The following MAML3 variants were observed in gnomAD, a reference collection of about 807,000 sequenced individuals.
The protein encoded by MAML3 is mastermind-like protein 3.
In MAML3, 27 loss-of-function variants were observed where a neutral mutation model predicts 101.9. The observed-to-expected ratio is 0.27, with a 90% CI of 0.20 to 0.37. MAML3 has a LOEUF of 0.37. Ranked by LOEUF, MAML3 falls within the 10% of genes least tolerant of loss-of-function variation. MAML3 has a pLI of 1.00. For synonymous variants in MAML3, 501 were observed against 555.9 expected (o/e 0.90, Z 1.39); for missense variants, 1,316 against 1,444.9 (o/e 0.91, Z 1.45).
intron 2 of MAML3, among the ~76,000 whole-genome samples, chr4:139,869,242 C>T (rs1731956823): frequency 6.6e-6 from 1 of 152,180 alleles, no homozygotes. Flanking sequence ...AGGCTGAGTG[C>T]TGGCAGCAGA....
intron 1 of MAML3, among the ~76,000 whole-genome samples, chr4:139,992,748 G>T (rs763340631): frequency 6.6e-6 from 1 of 151,956 alleles, no homozygotes; most frequent in African/African-American, 2.4e-5. Context: ...TAGTAGAGAC[G>T]GGGTTTCACC....
At chr4:139,795,066 C>G (rs1730487078) in intron 2 of MAML3, among the ~76,000 whole-genome samples, 1 of 152,114 alleles carries the variant, frequency 6.6e-6, no homozygotes. Flanking sequence ...GAAAGGGCAG[C>G]CACAGAGTTA....
chr4:139,833,596 A>G (rs1731207913), intron 2 of MAML3, among the ~76,000 whole-genome samples: 1 of 152,140 alleles, frequency 6.6e-6, no homozygotes, highest in Admixed American at 6.5e-5. Context: ...AAGGAATATG[A>G]TGAGAAATAC....
intron 2 of MAML3, among the ~76,000 whole-genome samples, chr4:139,783,955 C>T (rs2111082909): frequency 6.6e-6 from 1 of 152,334 alleles, no homozygotes; most frequent in Non-Finnish European, 1.5e-5. Flanking sequence ...GACTAACCAG[C>T]ATGTCAGAGA....
At chr4:139,897,436 G>C (rs1240570734) in intron 1 of MAML3, among the ~76,000 whole-genome samples, 1 of 152,132 alleles carries the variant, frequency 6.6e-6, no homozygotes, top group East Asian at 1.9e-4. Context: ...CCTCATCAAA[G>C]GCATGGGGTT....
intron 1 of MAML3, among the ~76,000 whole-genome samples, chr4:140,039,618 T>C (rs17005492): frequency 0.21 from 31,674 of 152,110 alleles, 3,551 homozygotes; most frequent in Middle Eastern, 0.23. Context: ...GCAGGTGACA[T>C]GGCATTGCCA....
At chr4:139,788,329 G>T (rs753500344) in intron 2 of MAML3, among the ~76,000 whole-genome samples, 7 of 152,086 alleles carry the variant, frequency 4.6e-5, no homozygotes, top group Non-Finnish European at 1.0e-4. Flanking sequence ...CTTCAAGGTG[G>T]CATTTCTTTT....
At chr4:140,148,272 A>G (rs1028628643) in intron 1 of MAML3, among the ~76,000 whole-genome samples, 3 of 152,194 alleles carry the variant, frequency 2.0e-5, no homozygotes, top group Non-Finnish European at 4.4e-5. Context: ...CAGCTTGAAG[A>G]GCATTTTGTA....
intron 1 of MAML3, among the ~76,000 whole-genome samples, chr4:140,152,435 G>A (rs936588939): frequency 1.3e-5 from 2 of 152,182 alleles, no homozygotes; most frequent in African/African-American, 2.4e-5. Context: ...TGGGCGTAGG[G>A]GGACGGGTCT....
At chr4:139,828,732 T>TAAA (rs529918429) in intron 2 of MAML3, among the ~76,000 whole-genome samples, 1,498 of 144,472 alleles carry the variant, frequency 0.01, 10 homozygotes, top group African/African-American at 0.013. Context: ...TTTTTTTTTT[T>TAAA]AAAAACATAG....
intron 1 of MAML3, among the ~76,000 whole-genome samples, chr4:139,959,794 G>A (rs1283697627): frequency 6.6e-6 from 1 of 152,174 alleles, no homozygotes; most frequent in East Asian, 1.9e-4. Context: ...TGTATAACAA[G>A]TATAAATATT....
intron 1 of MAML3, among the ~76,000 whole-genome samples, chr4:139,988,222 G>T (rs1026766648): frequency 6.6e-6 from 1 of 150,440 alleles, no homozygotes; most frequent in Non-Finnish European, 1.5e-5. Context: ...AGCTACTCGG[G>T]AGGCTGAGGC....
rs1578636285 is a variant in MAML3, at chr4:139,998,920, G to A, written c.469-107953C>T. Reference sequence around the variant, plus strand: ...ATGGCTTAATGGCTGGCCAATGATTGGACACAAATTGTGATCAAACACCTT... The same window carrying A: ...ATGGCTTAATGGCTGGCCAATGATTAGACACAAATTGTGATCAAACACCTT... On this transcript the variant is annotated intron_variant, in intron 1 of 4. Transcript: ENST00000509479. 2.6e-5 allele frequency among the ~76,000 whole-genome samples: 4 copies of A among 152,098 alleles called. No homozygotes were observed. In the Middle Eastern group the frequency reaches 0.014, roughly 517 times the overall value.
intron 2 of MAML3, among the ~76,000 whole-genome samples, chr4:139,854,966 A>T (rs1019534960): frequency 6.6e-6 from 1 of 152,128 alleles, no homozygotes; most frequent in African/African-American, 2.4e-5. Flanking sequence ...CTATTTCCTA[A>T]ATCAGCCATG....
chr4:139,884,164 G>A (rs1280708445), intron 2 of MAML3, among the ~76,000 whole-genome samples: 1 of 152,094 alleles, frequency 6.6e-6, no homozygotes, highest in Non-Finnish European at 1.5e-5. Flanking sequence ...GATTACAGGC[G>A]TGAGCCACGG....
At chr4:139,819,818 T>C (rs2111121090) in intron 2 of MAML3, among the ~76,000 whole-genome samples, 1 of 151,254 alleles carries the variant, frequency 6.6e-6, no homozygotes, top group Middle Eastern at 3.4e-3. Flanking sequence ...GTTGATATTT[T>C]ACACTTTATG....
At chr4:139,974,191 C>T (rs28601595) in intron 1 of MAML3, among the ~76,000 whole-genome samples, 47,459 of 150,904 alleles carry the variant, frequency 0.31, 8,305 homozygotes, top group East Asian at 0.62. Flanking sequence ...CTGCAAGCTC[C>T]GCCTCCCGGG....
At chr4:140,097,349 A>T (rs114307771) in intron 1 of MAML3, among the ~76,000 whole-genome samples, 1 of 152,172 alleles carries the variant, frequency 6.6e-6, no homozygotes, top group Non-Finnish European at 1.5e-5. Flanking sequence ...TCACCACCTC[A>T]TCTCAGCTCC....
intron 1 of MAML3, among the ~76,000 whole-genome samples, chr4:140,104,893 A>T (rs1321318786): frequency 6.6e-6 from 1 of 152,140 alleles, no homozygotes; most frequent in Non-Finnish European, 1.5e-5. Context: ...AAAGTTACAT[A>T]TTTTTAATGT....
Sources: allele counts gnomAD v4.1 joint callset (sites outside exome capture counted in the v4.1 genomes callset), GRCh38; gene constraint gnomAD v4.1.1; transcripts MANE v1.5; gene names NCBI Gene and HGNC (gene_info 2026-07-23, HGNC 2026-07-21).